The following DLG2 variants were observed in gnomAD, a reference collection of about 807,000 sequenced individuals.
The protein encoded by DLG2 is disks large homolog 2.
Under a neutral mutation model 132.5 loss-of-function variants are expected in DLG2, and 45 were observed. That is an observed-to-expected ratio of 0.34 (90% CI 0.27 to 0.44). The LOEUF is 0.44. Ranked by LOEUF, DLG2 falls within the 20% of genes least tolerant of loss-of-function variation. DLG2 has a pLI of 1.00. For missense variants in DLG2, 1,045 were observed against 1,196.9 expected (o/e 0.87, Z 1.87); for synonymous variants, 424 against 419.6 (o/e 1.01, Z -0.13).
chr11:84,535,928 T>C (rs1406800953), intron 6 of DLG2, among the ~76,000 whole-genome samples: 1 of 151,212 alleles, frequency 6.6e-6, no homozygotes, highest in Non-Finnish European at 1.5e-5. Flanking sequence ...ATTATTGTTA[T>C]CATCAATGGT....
At chr11:83,470,975 A>T (rs771499656) in intron 24 of DLG2, among the ~76,000 whole-genome samples, 1 of 151,458 alleles carries the variant, frequency 6.6e-6, no homozygotes, top group Non-Finnish European at 1.5e-5. Flanking sequence ...GGGGTGAATG[A>T]GTGGAGAAAG....
intron 6 of DLG2, among the ~76,000 whole-genome samples, chr11:84,760,979 TG>T (rs2067550102): frequency 6.6e-6 from 1 of 152,156 alleles, no homozygotes; most frequent in Non-Finnish European, 1.5e-5. Flanking sequence ...ACTCATCCTT[TG>T]CACCCACGTG....
intron 6 of DLG2, among the ~76,000 whole-genome samples, chr11:84,778,186 C>T (rs1191606444): frequency 6.6e-6 from 1 of 152,098 alleles, no homozygotes; most frequent in African/African-American, 2.4e-5. Flanking sequence ...ATCCGATTTT[C>T]CCAGTACCAT....
chr11:84,443,606 T>C (rs1279272733), intron 7 of DLG2, among the ~76,000 whole-genome samples: 1 of 152,212 alleles, frequency 6.6e-6, no homozygotes, highest in Non-Finnish European at 1.5e-5. Flanking sequence ...ACATAATATA[T>C]AATGTTAACT....
At chr11:85,591,819 T>C (rs1241704514) in intron 3 of DLG2, among the ~76,000 whole-genome samples, 4 of 152,228 alleles carry the variant, frequency 2.6e-5, no homozygotes, top group African/African-American at 9.6e-5. Context: ...CTACTTCTTC[T>C]TTGTATATAA....
intron 26 of DLG2, among the ~76,000 whole-genome samples, chr11:83,463,295 G>A (rs2090396051): frequency 6.6e-6 from 1 of 151,728 alleles, no homozygotes; most frequent in African/African-American, 2.4e-5. Context: ...GACATTAATG[G>A]CTGAAATACA....
chr11:84,598,913 C>G (rs1375460831), intron 6 of DLG2, among the ~76,000 whole-genome samples: 1 of 151,566 alleles, frequency 6.6e-6, no homozygotes, highest in Non-Finnish European at 1.5e-5. Context: ...CACTGCACTT[C>G]AGCCTGGGTG....
At chr11:83,634,002 T>G in intron 18 of DLG2, among the ~76,000 whole-genome samples, 1 of 151,936 alleles carries the variant, frequency 6.6e-6, no homozygotes, top group East Asian at 1.9e-4. Flanking sequence ...GAATCCCAAC[T>G]CAATAGGGTA....
intron 6 of DLG2, among the ~76,000 whole-genome samples, chr11:84,693,346 T>C (rs1223504342): frequency 6.6e-6 from 1 of 151,730 alleles, no homozygotes; most frequent in African/African-American, 2.4e-5. Flanking sequence ...GCTGGGATTA[T>C]TCTGTTGCTG....
At chr11:85,022,392 C>T (rs116879754) in intron 6 of DLG2, among the ~76,000 whole-genome samples, 3 of 151,750 alleles carry the variant, frequency 2.0e-5, no homozygotes, top group African/African-American at 7.3e-5. Flanking sequence ...ATATACTTTG[C>T]GACTAAGGAA....
At chr11:84,937,804 T>C (rs1050833952) in intron 6 of DLG2, among the ~76,000 whole-genome samples, 6 of 152,200 alleles carry the variant, frequency 3.9e-5, no homozygotes, top group African/African-American at 1.4e-4. Context: ...GTTAGAATAC[T>C]AGAAAATCTA....
chr11:83,686,462 T>C (rs1189932499), intron 18 of DLG2, among the ~76,000 whole-genome samples: 1 of 152,154 alleles, frequency 6.6e-6, no homozygotes, highest in Non-Finnish European at 1.5e-5. Flanking sequence ...CTTTTGCTCC[T>C]CTACCCAACT....
At chr11:85,183,434 T>C (rs1189627510) in intron 4 of DLG2, among the ~76,000 whole-genome samples, 2 of 151,942 alleles carry the variant, frequency 1.3e-5, no homozygotes, top group Non-Finnish European at 2.9e-5. Context: ...ATGTTTTTAT[T>C]ACTTTGCTAC....
intron 7 of DLG2, among the ~76,000 whole-genome samples, chr11:84,420,410 T>G (rs900697188): frequency 6.6e-6 from 1 of 152,108 alleles, no homozygotes; most frequent in African/African-American, 2.4e-5. Flanking sequence ...GCATTAACAG[T>G]CACTGAGAAC....
intron 6 of DLG2, among the ~76,000 whole-genome samples, chr11:84,720,659 G>A (rs1003726038): frequency 6.6e-6 from 1 of 151,808 alleles, no homozygotes. Flanking sequence ...ATTTGGGGGA[G>A]GTAAAATAAA....
chr11:84,615,234 C>A (rs1029767546), intron 6 of DLG2, among the ~76,000 whole-genome samples: 2 of 151,984 alleles, frequency 1.3e-5, no homozygotes, highest in African/African-American at 4.8e-5. Context: ...AGTCTAATAG[C>A]CACATTAAAC....
At chr11:84,902,616 C>T (rs953048734) in intron 6 of DLG2, among the ~76,000 whole-genome samples, 9 of 152,184 alleles carry the variant, frequency 5.9e-5, no homozygotes. Flanking sequence ...ATGTTATCCA[C>T]ACCTGTGATT....
intron 4 of DLG2, among the ~76,000 whole-genome samples, chr11:85,239,000 G>C (rs1208417761): frequency 6.6e-6 from 1 of 151,946 alleles, no homozygotes; most frequent in Non-Finnish European, 1.5e-5. Context: ...AGCATCATTA[G>C]TGGCACTCCA....
intron 6 of DLG2, among the ~76,000 whole-genome samples, chr11:84,890,494 T>C (rs1204173860): frequency 1.3e-5 from 2 of 152,174 alleles, no homozygotes; most frequent in African/African-American, 4.8e-5. Flanking sequence ...ATCTGATATG[T>C]TCTCTCCCCG....
Sources: allele counts gnomAD v4.1 joint callset (sites outside exome capture counted in the v4.1 genomes callset), GRCh38; gene constraint gnomAD v4.1.1; transcripts MANE v1.5; gene names NCBI Gene and HGNC (gene_info 2026-07-23, HGNC 2026-07-21).